ARHGAP22: variants seen among roughly 807,000 people sequenced by gnomAD.
ARHGAP22 encodes the protein rho GTPase-activating protein 22.
ARHGAP22 carries 48 observed loss-of-function variants against 59.1 expected under a neutral mutation model. The ratio of observed to expected loss-of-function variants is 0.81; its 90% CI spans 0.64 to 1.03. ARHGAP22 has a LOEUF of 1.03. Ranked by LOEUF, ARHGAP22 falls within the 50% of genes least tolerant of loss-of-function variation. The pLI, the probability that ARHGAP22 is intolerant of heterozygous loss-of-function variation, is 0.00. For synonymous variants in ARHGAP22, 445 were observed against 416.4 expected (o/e 1.07, Z -0.84); for missense variants, 1,015 against 958.7 (o/e 1.06, Z -0.78).
chr10:48,553,215 C>T (rs552794199), intron 3 of ARHGAP22, among the ~76,000 whole-genome samples: 24 of 152,246 alleles, frequency 1.6e-4, no homozygotes, highest in Non-Finnish European at 1.5e-4. Context: ...CTGACTGGAC[C>T]GCTCACCGCC....
At chr10:48,465,540 C>T (rs1004974625) in intron 4 of ARHGAP22, among the ~76,000 whole-genome samples, 1 of 152,232 alleles carries the variant, frequency 6.6e-6, no homozygotes, top group Non-Finnish European at 1.5e-5. Flanking sequence ...CGGCTTTCTC[C>T]GGACCTTGCA....
the ARHGAP22 span, chr10:48,430,895 A>C: frequency 2.5e-6 from 1 of 406,384 alleles, no homozygotes; most frequent in Non-Finnish European, 4.5e-6. Flanking sequence ...GTGCTGTAGC[A>C]CAAGTTGCTG....
At chr10:48,542,943 A>G (rs1314752728) in intron 3 of ARHGAP22, among the ~76,000 whole-genome samples, 3 of 152,190 alleles carry the variant, frequency 2.0e-5, no homozygotes, top group Non-Finnish European at 4.4e-5. Context: ...GGCTGAGCCC[A>G]GGAGTCATCT....
chr10:48,478,073 GTGC>G (rs928113765), intron 4 of ARHGAP22, among the ~76,000 whole-genome samples: 2 of 151,856 alleles, frequency 1.3e-5, no homozygotes, highest in African/African-American at 4.8e-5. Flanking sequence ...TCCTTCCCTG[GTGC>G]TCAAAAGTGC....
intron 3 of ARHGAP22, among the ~76,000 whole-genome samples, chr10:48,525,876 T>C (rs1209096872): frequency 6.6e-6 from 1 of 152,266 alleles, no homozygotes; most frequent in Admixed American, 6.5e-5. Flanking sequence ...TTGGCTTTTT[T>C]ATAATGGCCT....
At chr10:48,555,436 G>A in intron 3 of ARHGAP22, 27 bp downstream of exon 3, 1 of 1,607,728 alleles carries the variant, frequency 6.2e-7, no homozygotes, top group South Asian at 1.1e-5. Context: ...CACCAGGGCT[G>A]CAGAGCTGGA....
intron 2 of ARHGAP22, among the ~76,000 whole-genome samples, chr10:48,580,807 C>T (rs867445262): frequency 6.6e-6 from 1 of 152,042 alleles, no homozygotes; most frequent in Non-Finnish European, 1.5e-5. Flanking sequence ...CTTGTTGGCT[C>T]AGATTTGAGT....
chr10:48,645,875 A>G (rs2062273210), intron 1 of ARHGAP22, among the ~76,000 whole-genome samples: 1 of 152,174 alleles, frequency 6.6e-6, no homozygotes, highest in South Asian at 2.1e-4. Flanking sequence ...GCAGAGAAAA[A>G]TTTAAAGCCA....
chr10:48,583,976 T>A (rs1361934581), intron 1 of ARHGAP22, among the ~76,000 whole-genome samples: 1 of 152,160 alleles, frequency 6.6e-6, no homozygotes, highest in Non-Finnish European at 1.5e-5. Flanking sequence ...ACTGAATTCT[T>A]GTCCCCTCTG....
At chr10:48,584,391 C>A (rs2059296453) in intron 1 of ARHGAP22, among the ~76,000 whole-genome samples, 2 of 152,214 alleles carry the variant, frequency 1.3e-5, no homozygotes, top group Admixed American at 1.3e-4. Flanking sequence ...TCCTATATAT[C>A]CTTCAAGAGC....
intron 3 of ARHGAP22, among the ~76,000 whole-genome samples, chr10:48,551,699 A>G (rs1047228942): frequency 3.9e-5 from 6 of 152,260 alleles, no homozygotes; most frequent in Non-Finnish European, 8.8e-5. Context: ...ACAAGAGGAC[A>G]GAAGTCCCAC....
chr10:48,565,623 C>A (rs1041004676), intron 2 of ARHGAP22, among the ~76,000 whole-genome samples: 6 of 152,118 alleles, frequency 3.9e-5, no homozygotes, highest in African/African-American at 1.2e-4. Flanking sequence ...TGTGACATTG[C>A]CGCTTAGGTA....
chr10:48,592,302 C>A (rs894171522), intron 1 of ARHGAP22, among the ~76,000 whole-genome samples: 1 of 152,142 alleles, frequency 6.6e-6, no homozygotes, highest in African/African-American at 2.4e-5. Context: ...TATCTGTCAC[C>A]GCACCTGGCT....
At chr10:48,488,458 G>A (rs548571698) in intron 3 of ARHGAP22, among the ~76,000 whole-genome samples, 57 of 152,122 alleles carry the variant, frequency 3.7e-4, no homozygotes, top group Non-Finnish European at 7.1e-4. Flanking sequence ...TTAAATGGTT[G>A]GGTGATGAAT....
chr10:48,472,207 CAAAAAAAGA>C (rs1367222175), intron 4 of ARHGAP22, among the ~76,000 whole-genome samples: 3 of 147,614 alleles, frequency 2.0e-5, no homozygotes, highest in Admixed American at 1.4e-4. Flanking sequence ...GACTCAGTCT[CAAAAAAAGA>C]AAAAAAAGAA....
At chr10:48,562,163 T>A (rs1590197008) in intron 2 of ARHGAP22, among the ~76,000 whole-genome samples, 1 of 151,278 alleles carries the variant, frequency 6.6e-6, no homozygotes, top group South Asian at 2.1e-4. Flanking sequence ...GAGGCAGAGG[T>A]TGCAGTGAGC....
intron 3 of ARHGAP22, among the ~76,000 whole-genome samples, chr10:48,546,204 T>C (rs1023888130): frequency 6.6e-6 from 1 of 152,176 alleles, no homozygotes; most frequent in South Asian, 2.1e-4. Flanking sequence ...GGCAGTGTGG[T>C]CTTTTCTGTC....
chr10:48,640,633 C>A (rs1009229042), intron 1 of ARHGAP22, among the ~76,000 whole-genome samples: 13 of 152,226 alleles, frequency 8.5e-5, no homozygotes, highest in African/African-American at 2.9e-4. Context: ...AAAATATATC[C>A]TTCAAAATGA....
At chr10:48,572,427 A>C (rs1314683119) in intron 2 of ARHGAP22, among the ~76,000 whole-genome samples, 4 of 152,206 alleles carry the variant, frequency 2.6e-5, no homozygotes, top group Non-Finnish European at 5.9e-5. Flanking sequence ...CTGATAAAAG[A>C]CCACCAACAA....
Sources: allele counts gnomAD v4.1 joint callset (sites outside exome capture counted in the v4.1 genomes callset), GRCh38; gene constraint gnomAD v4.1.1; transcripts MANE v1.5; gene names NCBI Gene and HGNC (gene_info 2026-07-23, HGNC 2026-07-21).